Variants in DIP2C observed in about 807,000 individuals in gnomAD.
DIP2C encodes the protein DIP2 acetate--CoA ligase C (putative), also known as disco-interacting protein 2 homolog C.
A neutral mutation model predicts 192.4 loss-of-function variants in DIP2C; 33 were observed. The ratio of observed to expected loss-of-function variants is 0.17; its 90% CI spans 0.13 to 0.23. The LOEUF is 0.23. DIP2C is among the 10% of genes least tolerant of loss of function. The pLI is 1.00. For synonymous variants in DIP2C, 979 were observed against 864.1 expected, an observed-to-expected ratio of 1.13 and a Z score of -2.33; for missense variants, 1,537 against 2,110.1, an observed-to-expected ratio of 0.73 and a Z score of 5.32.
intron 25 of DIP2C, among the ~76,000 whole-genome samples, chr10:349,046 G>C (rs11251867): frequency 1.3e-5 from 2 of 152,196 alleles, no homozygotes; most frequent in Admixed American, 6.5e-5. Flanking sequence ...CAAGATTTAG[G>C]TACTATTAAG....
intron 8 of DIP2C, among the ~76,000 whole-genome samples, chr10:412,868 A>G (rs1965277669): frequency 1.3e-5 from 2 of 152,260 alleles, no homozygotes; most frequent in South Asian, 4.1e-4. Context: ...CTATCCCAAG[A>G]GTCTAGAACT....
chr10:518,655 G>A (rs1049718771), intron 1 of DIP2C, among the ~76,000 whole-genome samples: 4 of 152,172 alleles, frequency 2.6e-5, no homozygotes, highest in African/African-American at 9.7e-5. Flanking sequence ...GCACCCTCAT[G>A]CCACCTTCCA....
chr10:559,620 T>TC (rs1316553864), intron 1 of DIP2C, among the ~76,000 whole-genome samples: 1 of 152,094 alleles, frequency 6.6e-6, no homozygotes, highest in African/African-American at 2.4e-5. Flanking sequence ...CCTTCCTACC[T>TC]CCCCAAAGGC....
chr10:498,329 C>A (rs543910976), intron 1 of DIP2C, among the ~76,000 whole-genome samples: 1 of 152,360 alleles, frequency 6.6e-6, no homozygotes, highest in East Asian at 1.9e-4. Context: ...CAGGGAATGA[C>A]TGGGCTCTAA....
At chr10:441,074 G>T in intron 3 of DIP2C, 78 bp from the exon 4 acceptor site, 1 of 1,490,604 alleles carries the variant, frequency 6.7e-7, no homozygotes. Context: ...CTCTGTCCCT[G>T]CAGCACAGTT....
chr10:675,263 A>C (rs1830832511), intron 1 of DIP2C, among the ~76,000 whole-genome samples: 1 of 152,164 alleles, frequency 6.6e-6, no homozygotes, highest in African/African-American at 2.4e-5. Context: ...AACACAACAT[A>C]TCACAGCCTA....
chr10:278,920 G>C (rs7914082), intron 36 of DIP2C, among the ~76,000 whole-genome samples: 30 of 152,274 alleles, frequency 2.0e-4, no homozygotes, highest in African/African-American at 6.7e-4. Context: ...AGGCTCCAGG[G>C]CTGCTCGTAT....
At chr10:470,231 A>T (rs1970518820) in intron 3 of DIP2C, among the ~76,000 whole-genome samples, 1 of 152,196 alleles carries the variant, frequency 6.6e-6, no homozygotes, top group Admixed American at 6.5e-5. Flanking sequence ...GGCGATGGAG[A>T]CATGAGTCAG....
chr10:516,284 G>T (rs1846340797), intron 1 of DIP2C, among the ~76,000 whole-genome samples: 1 of 76,976 alleles, frequency 1.3e-5, no homozygotes, highest in African/African-American at 5.8e-5. Flanking sequence ...CTGGAGATCA[G>T]TGAAGTGGCA....
At chr10:367,467 C>G (rs112681200) in intron 18 of DIP2C, among the ~76,000 whole-genome samples, 58 of 151,820 alleles carry the variant, frequency 3.8e-4, no homozygotes, top group African/African-American at 1.4e-3. Flanking sequence ...AGATTCTTCA[C>G]CCATCAGATT....
intron 31 of DIP2C, among the ~76,000 whole-genome samples, chr10:324,411 C>T (rs2132423265): frequency 6.6e-6 from 1 of 152,350 alleles, no homozygotes; most frequent in East Asian, 1.9e-4. Flanking sequence ...CGAAGCACAC[C>T]TGCCCTCAAA....
At chr10:306,202 GGA>G (rs1956313138) in intron 32 of DIP2C, among the ~76,000 whole-genome samples, 1 of 151,940 alleles carries the variant, frequency 6.6e-6, no homozygotes, top group East Asian at 1.9e-4. Context: ...CCAGAAGCAG[GGA>G]GAGTGTGTCC....
At chr10:591,129 TTTG>T (rs1006157021) in intron 1 of DIP2C, among the ~76,000 whole-genome samples, 1 of 150,020 alleles carries the variant, frequency 6.7e-6, no homozygotes, top group African/African-American at 2.5e-5. Flanking sequence ...TTTTTTTTGT[TTTG>T]TTTTTTTTAG....
At chr10:351,215 A>G (rs1958793175) in intron 24 of DIP2C, among the ~76,000 whole-genome samples, 3 of 152,152 alleles carry the variant, frequency 2.0e-5, no homozygotes, top group Non-Finnish European at 4.4e-5. Flanking sequence ...GGGGCTATTC[A>G]TCGGCGATGC....
intron 1 of DIP2C, among the ~76,000 whole-genome samples, chr10:534,495 A>T (rs1847584864): frequency 2.0e-5 from 3 of 152,120 alleles, no homozygotes; most frequent in South Asian, 2.1e-4. Context: ...ACATTCCTTT[A>T]AAAAAAGATA....
intron 4 of DIP2C, among the ~76,000 whole-genome samples, chr10:435,853 G>A (rs755445988): frequency 4.6e-5 from 7 of 151,920 alleles, no homozygotes; most frequent in Non-Finnish European, 7.4e-5. Context: ...ATTTATAATT[G>A]TAGATTTAAA....
At chr10:527,218 A>G (rs1227013286) in intron 1 of DIP2C, among the ~76,000 whole-genome samples, 2 of 152,186 alleles carry the variant, frequency 1.3e-5, no homozygotes, top group East Asian at 3.9e-4. Flanking sequence ...GCAGCTGTTT[A>G]TCATCTCTGC....
intron 18 of DIP2C, among the ~76,000 whole-genome samples, chr10:367,329 A>C (rs1394937145): frequency 6.6e-6 from 1 of 151,772 alleles, no homozygotes; most frequent in African/African-American, 2.4e-5. Context: ...AGGCAGGAGA[A>C]TGGCGTGAAC....
At chr10:520,106 G>C (rs1846602245) in intron 1 of DIP2C, among the ~76,000 whole-genome samples, 1 of 152,224 alleles carries the variant, frequency 6.6e-6, no homozygotes, top group African/African-American at 2.4e-5. Flanking sequence ...ACACTAAAAT[G>C]AACAGGTCAT....
Sources: allele counts gnomAD v4.1 joint callset (sites outside exome capture counted in the v4.1 genomes callset), GRCh38; gene constraint gnomAD v4.1.1; transcripts MANE v1.5; gene names NCBI Gene and HGNC (gene_info 2026-07-23, HGNC 2026-07-21).